FHDC1: variants seen among roughly 807,000 people sequenced by gnomAD.
FHDC1 encodes FH2 domain containing 1.
Under a neutral mutation model 52.6 loss-of-function variants are expected in FHDC1, and 25 were observed. The ratio of observed to expected loss-of-function variants is 0.48; its 90% CI spans 0.35 to 0.66. The LOEUF is 0.66. Among genes scored for constraint, FHDC1 ranks in the 30% least tolerant of loss-of-function variants. The pLI, the probability that FHDC1 is intolerant of heterozygous loss-of-function variation, is 0.01. For missense variants in FHDC1, 1,459 were observed against 1,452.8 expected (o/e 1.00, Z -0.07); for synonymous variants, 616 against 581.5 (o/e 1.06, Z -0.85).
intron 1 of FHDC1, among the ~76,000 whole-genome samples, chr4:152,937,175 C>T (rs1168271068): frequency 6.6e-6 from 1 of 152,138 alleles, no homozygotes; most frequent in Non-Finnish European, 1.5e-5. Flanking sequence ...CTCGACCCGG[C>T]TCCCTTTTGG....
intron 1 of FHDC1, among the ~76,000 whole-genome samples, chr4:152,939,676 A>G (rs1020924489): frequency 2.6e-5 from 4 of 152,190 alleles, no homozygotes; most frequent in Non-Finnish European, 5.9e-5. Context: ...CCATCACTCA[A>G]ACACAACTCT....
the FHDC1 span, among the ~76,000 whole-genome samples, chr4:152,929,469 T>C: frequency 1.3e-5 from 2 of 152,204 alleles, no homozygotes; most frequent in Non-Finnish European, 2.9e-5. This position sits in a 1 kb window ranked among gnomAD's most constrained non-coding sequence, Gnocchi z 4.1. Flanking sequence ...AGCTATCTCA[T>C]TTAGAAACAG....
chr4:152,943,591 A>G (rs2149937674), intron 2 of FHDC1, 36 bp downstream of exon 2: 2 of 1,573,954 alleles, frequency 1.3e-6, no homozygotes, highest in East Asian at 2.2e-5. Context: ...TCCTCCACAC[A>G]CTGCATTGTT....
At chr4:152,943,766 C>T (rs528870991) in intron 2 of FHDC1, among the ~76,000 whole-genome samples, 8 of 152,296 alleles carry the variant, frequency 5.3e-5, no homozygotes, top group Middle Eastern at 3.4e-3. Context: ...TCCTCCCAGA[C>T]GCCCTGGTGG....
Position 152,965,063 on chromosome 4 carries a change from G to A in FHDC1, c.1100+88G>A, listed in dbSNP as rs1417364925. 12 of 1,267,936 alleles carry A rather than the reference G, an allele frequency of 9.5e-6. No individual in the cohort carries two copies. The East Asian group carries it at 2.1e-4, about 22-fold the overall frequency. The allele number at this position is 1,267,936 out of a possible 1,614,324, so 78.5% of individuals were successfully genotyped here. On this transcript the variant is annotated intron_variant, in intron 9 of 11. Coordinates refer to ENST00000511601, the MANE Select transcript of FHDC1 (RefSeq NM_001371116.1). ...TAAAACTTTTAGATTCCAGTTTGAAGTCTAAAAGGTTTTGTTTCATTGAAC... is the reference window on the plus strand; with the variant it reads ...TAAAACTTTTAGATTCCAGTTTGAAATCTAAAAGGTTTTGTTTCATTGAAC...
the FHDC1 span, among the ~76,000 whole-genome samples, chr4:152,926,373 T>TA: frequency 2.0e-5 from 3 of 151,606 alleles, no homozygotes; most frequent in African/African-American, 7.3e-5. Flanking sequence ...TTAAGCTCCC[T>TA]AAAAAAAATT....
chr4:152,940,687 G>T (rs1488894027), intron 1 of FHDC1, among the ~76,000 whole-genome samples: 1 of 152,182 alleles, frequency 6.6e-6, no homozygotes, highest in Non-Finnish European at 1.5e-5. Context: ...TCTTAACAGG[G>T]ATAATCTATA....
chr4:152,974,692 G>A lies in FHDC1; in HGVS notation c.1401G>A (p.Glu467=). The A allele has an allele frequency of 6.6e-7, 1 of 1,510,228 alleles. No individual in the cohort carries two copies. The highest frequency in any genetic ancestry group is 8.9e-7 in the Non-Finnish European group (1 of 1,129,606). 93.6% of individuals were successfully genotyped at this position (1,510,228 alleles called of 1,614,324 possible). Reference sequence around the variant, plus strand: ...TCCCTCAGGACAACCACGACCGGGAGGCGCAGGAGCTGAGGCAGCTGCAGA... The same window carrying A: ...TCCCTCAGGACAACCACGACCGGGAAGCGCAGGAGCTGAGGCAGCTGCAGA... The part of the protein sequence containing the change: ...NKAVKDNHDR[E]AQELRQLQRL... Residue 467 remains glutamate, a synonymous_variant, in exon 12 of 12, where the codon GAG becomes GAA. Coordinates refer to ENST00000511601, the MANE Select transcript of FHDC1 (RefSeq NM_001371116.1).
Position 152,962,795 on chromosome 4 carries a change from G to C in FHDC1, c.851-19G>C. 1 of 1,610,048 alleles carries C rather than the reference G, an allele frequency of 6.2e-7. No individual in the cohort carries two copies. The highest frequency in any genetic ancestry group is 8.5e-7 in the Non-Finnish European group (1 of 1,176,352). On this transcript the variant is annotated intron_variant, in intron 6 of 11. Transcript: ENST00000511601. The stretch of plus-strand genomic sequence containing the variant: ...ACTGAAGGCATCTCTAAGGTGCTGT[G>C]ATGTGTTCTTTTTGATAGAACTGAT...
Position 152,974,949 on chromosome 4 carries a change from CCTT to C in FHDC1, c.1662_1664del (p.Phe554del), listed in dbSNP as rs776106218. Reference sequence around the variant, plus strand: ...CCCTCTGCTGACCGGGAGCTGCTGACCTTCTTGGAGAGCTCCACCGGCAGCCCT... The same window carrying C: ...CCCTCTGCTGACCGGGAGCTGCTGACCTTGGAGAGCTCCACCGGCAGCCCT... On this transcript the variant is annotated inframe_deletion, in exon 12 of 12. Coordinates refer to ENST00000511601, the MANE Select transcript of FHDC1 (RefSeq NM_001371116.1). The C allele has an allele frequency of 1.5e-5, 24 of 1,612,554 alleles. No homozygotes were observed. The highest frequency in any genetic ancestry group is 6.7e-5 in the African/African-American group (5 of 75,008).
intron 1 of FHDC1, among the ~76,000 whole-genome samples, chr4:152,937,570 G>A (rs939907756): frequency 1.1e-4 from 16 of 151,800 alleles, no homozygotes; most frequent in Admixed American, 6.6e-5. Flanking sequence ...GCCGCCGGAC[G>A]GGAGAGCGGT....
At chr4:152,969,297 C>T (rs920065488) in intron 10 of FHDC1, among the ~76,000 whole-genome samples, 8 of 152,124 alleles carry the variant, frequency 5.3e-5, no homozygotes, top group South Asian at 2.1e-4. Context: ...TGGCCTTCGG[C>T]GGATGCTTGA....
At chr4:152,935,724 G>T (rs1739345175), upstream of FHDC1, among the ~76,000 whole-genome samples, 1 of 152,228 alleles carries the variant, frequency 6.6e-6, no homozygotes, top group Admixed American at 6.5e-5. Flanking sequence ...GGTTTCAGCT[G>T]TAGGGGTTGG....
chr4:152,968,597 T>C (rs1740539188), intron 10 of FHDC1, among the ~76,000 whole-genome samples: 1 of 152,248 alleles, frequency 6.6e-6, no homozygotes, highest in South Asian at 2.1e-4. Context: ...CCCAAAGTGC[T>C]GGGATTACAG....
chr4:152,940,570 C>T (rs1739547979), intron 1 of FHDC1, among the ~76,000 whole-genome samples: 1 of 152,176 alleles, frequency 6.6e-6, no homozygotes, highest in Non-Finnish European at 1.5e-5. Flanking sequence ...TAGTCTTTGT[C>T]AGTATCTCTG....
At chr4:152,965,120 G>A in intron 9 of FHDC1, 145 bp downstream of exon 9, 1 of 707,430 alleles carries the variant, frequency 1.4e-6, no homozygotes, top group Non-Finnish European at 2.3e-6. Flanking sequence ...CTTAACACAG[G>A]TGTGTGTGCA....
the FHDC1 span, among the ~76,000 whole-genome samples, chr4:152,916,068 A>G: frequency 3.9e-5 from 6 of 152,224 alleles, no homozygotes; most frequent in South Asian, 2.1e-4. Flanking sequence ...AGAAGAATCA[A>G]TTGGACAAAT....
chr4:152,960,787 C>T lies in FHDC1; in HGVS notation c.793C>T (p.Leu265=). The T allele has an allele frequency of 6.2e-7, 1 of 1,613,072 alleles. No homozygotes were observed. Among genetic ancestry groups the T allele is most frequent in the Non-Finnish European group, 8.5e-7 (1 of 1,179,798 alleles). ...IEAMVLKKEF[L]PSCSSLYTDI... ...AGCCATGGTGCTAAAGAAGGAATTT[C>T]TACCTTCTTGCTCTTCTCTATATAC... Residue 265 remains leucine (L), a synonymous_variant, in exon 6 of 12, where the codon CTA becomes TTA. Transcript: ENST00000511601.
the FHDC1 span, chr4:152,927,832 G>A: frequency 7.0e-7 from 1 of 1,432,792 alleles, no homozygotes; most frequent in Middle Eastern, 2.4e-4. Context: ...AAGAGAACAA[G>A]AAGGAAGTGG....
Sources: allele counts gnomAD v4.1 joint callset (sites outside exome capture counted in the v4.1 genomes callset), GRCh38; gene constraint gnomAD v4.1.1; non-coding constraint Gnocchi (gnomAD v3.1); transcripts MANE v1.5; gene names NCBI Gene and HGNC (gene_info 2026-07-23, HGNC 2026-07-21).